Variants in COBL observed in about 807,000 individuals in gnomAD.
COBL encodes the protein protein cordon-bleu.
COBL carries 51 observed loss-of-function variants against 98.8 expected under a neutral mutation model. The observed-to-expected ratio is 0.52, with a 90% CI of 0.41 to 0.65. The LOEUF is 0.65. COBL is among the 30% of genes least tolerant of loss of function. COBL has a pLI of 0.00. For synonymous variants in COBL, 634 were observed against 651.7 expected (o/e 0.97, Z 0.41); for missense variants, 1,617 against 1,617.5 (o/e 1.00, Z 0.01).
chr7:51,217,203 G>T (rs1315172258), intron 2 of COBL, among the ~76,000 whole-genome samples: 3 of 152,134 alleles, frequency 2.0e-5, no homozygotes, highest in Non-Finnish European at 4.4e-5. Flanking sequence ...GGAAATAAAA[G>T]AAATGAAAGC....
intron 6 of COBL, among the ~76,000 whole-genome samples, chr7:51,107,228 GGGACTA>G (rs1192021261): frequency 1.9e-4 from 29 of 151,816 alleles, no homozygotes; most frequent in African/African-American, 6.8e-4. Flanking sequence ...CTGAGTAGCT[GGGACTA>G]CAGGCGCACG....
intron 6 of COBL, among the ~76,000 whole-genome samples, chr7:51,109,676 T>TA (rs1031297234): frequency 1.3e-5 from 2 of 152,084 alleles, no homozygotes; most frequent in Non-Finnish European, 2.9e-5. Context: ...AAAATTTTAC[T>TA]AAAAAAACTG....
intron 4 of COBL, among the ~76,000 whole-genome samples, chr7:51,184,698 C>A (rs916358218): frequency 6.6e-6 from 1 of 152,218 alleles, no homozygotes; most frequent in Non-Finnish European, 1.5e-5. Context: ...CACAATCCAG[C>A]AGCCCTTTAG....
intron 7 of COBL, among the ~76,000 whole-genome samples, chr7:51,070,159 G>A (rs17799219): frequency 0.065 from 9,842 of 152,026 alleles, 514 homozygotes; most frequent in East Asian, 0.32. Context: ...GGAGTTATTC[G>A]GCAAAAGGGT....
intron 5 of COBL, among the ~76,000 whole-genome samples, chr7:51,162,604 G>A (rs1029559966): frequency 6.6e-6 from 1 of 152,112 alleles, no homozygotes; most frequent in African/African-American, 2.4e-5. Context: ...AATAGTATCT[G>A]CAAACTTTCT....
chr7:51,290,674 C>T (rs1800813121), intron 1 of COBL, among the ~76,000 whole-genome samples: 1 of 152,160 alleles, frequency 6.6e-6, no homozygotes, highest in African/African-American at 2.4e-5. Context: ...ACCTCAGCCT[C>T]GGCCCCTCCT....
At chr7:51,180,188 G>A (rs1788798538) in intron 5 of COBL, among the ~76,000 whole-genome samples, 1 of 152,204 alleles carries the variant, frequency 6.6e-6, no homozygotes, top group African/African-American at 2.4e-5. Context: ...AGACTGGAAT[G>A]ACAGATTTTC....
intron 6 of COBL, among the ~76,000 whole-genome samples, chr7:51,099,318 T>C (rs1795602815): frequency 1.3e-5 from 2 of 152,226 alleles, no homozygotes; most frequent in Non-Finnish European, 2.9e-5. Flanking sequence ...TCTTGTTCAC[T>C]GCAGCACAGT....
chr7:51,057,221 T>C (rs1790851441), intron 7 of COBL, among the ~76,000 whole-genome samples: 1 of 152,220 alleles, frequency 6.6e-6, no homozygotes, highest in South Asian at 2.1e-4. Flanking sequence ...AATTGTCCTA[T>C]TTCATTGCTA....
chr7:51,026,318 A>C, intron 11 of COBL, among the ~76,000 whole-genome samples: 1 of 152,258 alleles, frequency 6.6e-6, no homozygotes, highest in East Asian at 1.9e-4. Flanking sequence ...GCAAAGGCTG[A>C]GAGAGTGTCT....
chr7:51,088,120 G>GC (rs1420169170), intron 6 of COBL, among the ~76,000 whole-genome samples: 1 of 152,070 alleles, frequency 6.6e-6, no homozygotes, highest in Non-Finnish European at 1.5e-5. Context: ...TTTCATGATG[G>GC]CAAGTGCTGG....
At chr7:51,111,137 G>A (rs1279680219) in intron 6 of COBL, among the ~76,000 whole-genome samples, 2 of 152,138 alleles carry the variant, frequency 1.3e-5, no homozygotes, top group Non-Finnish European at 2.9e-5. Flanking sequence ...GAATAATGCT[G>A]CAATAAACAT....
chr7:51,166,994 A>C (rs1480190782), intron 5 of COBL, among the ~76,000 whole-genome samples: 1 of 152,202 alleles, frequency 6.6e-6, no homozygotes, highest in Non-Finnish European at 1.5e-5. Flanking sequence ...CACAGCTAGT[A>C]TCTTACTGAA....
chr7:51,110,643 G>A (rs967396312), intron 6 of COBL, among the ~76,000 whole-genome samples: 10 of 152,120 alleles, frequency 6.6e-5, no homozygotes, highest in Non-Finnish European at 8.8e-5. Flanking sequence ...TCACCCAAGC[G>A]GTATATACTG....
At chr7:51,234,723 A>C (rs1305213300) in intron 1 of COBL, among the ~76,000 whole-genome samples, 2 of 150,836 alleles carry the variant, frequency 1.3e-5, no homozygotes, top group Non-Finnish European at 2.9e-5. Context: ...AAAAAAAGAA[A>C]GAAAGAAAGA....
intron 2 of COBL, among the ~76,000 whole-genome samples, chr7:51,203,354 C>T (rs1225941912): frequency 7.6e-6 from 1 of 131,574 alleles, no homozygotes; most frequent in African/African-American, 3.1e-5. Context: ...CCCAGCTACT[C>T]GGGAGGCTGA....
chr7:51,054,506 T>G, intron 7 of COBL, among the ~76,000 whole-genome samples: 1 of 152,194 alleles, frequency 6.6e-6, no homozygotes, highest in South Asian at 2.1e-4. Context: ...TAACTTTTTT[T>G]CCTTTCTGAC....
Position 51,028,652 on chromosome 7 carries a change from G to A in COBL, c.2444C>T (p.Ser815Leu), listed in dbSNP as rs532457394. The change falls in exon 10 of 13, where the codon TCG becomes TTG. Residue 815 changes from serine (S) to leucine (L), a missense_variant. Ser to Leu is a moderately radical substitution (Grantham distance 145). Transcript: ENST00000265136. Reference protein sequence around the residue: ...SRLQADPKPISPQQKSAHHEG... With the variant: ...SRLQADPKPILPQQKSAHHEG... ...ATGGTGGGCAGACTTCTGCTGGGGC[G>A]ATATTGGCTTGGGGTCTGCTTGGAG... is the stretch of plus-strand genomic sequence containing the variant. 3.0e-5 allele frequency: 48 copies of A among 1,612,998 alleles called. No individual in the cohort carries two copies. The highest frequency in any genetic ancestry group is 1.4e-4 in the South Asian group (13 of 90,932).
rs776244784 is a variant in COBL, at chr7:51,308,227, TA to T, written c.41+8365del. Among the ~76,000 whole-genome samples the T allele has an allele frequency of 2.0e-5, 3 of 152,316 alleles. No individual in the cohort carries two copies. In the East Asian group the frequency reaches 5.8e-4, roughly 29 times the overall value. ...AGCCAACCAAACTGTATTTAGAGAC[TA>T]AAAAATTAGCCACATGAACAAAAGT... On this transcript the variant is annotated intron_variant, in intron 1 of 12. Coordinates refer to ENST00000265136, the MANE Select transcript of COBL (RefSeq NM_015198.5).
Sources: gnomAD v4.1 joint callset for allele counts (sites outside exome capture counted in the v4.1 genomes callset) on GRCh38, gnomAD v4.1.1 for gene constraint, MANE v1.5 for transcripts, NCBI Gene and HGNC (gene_info 2026-07-23, HGNC 2026-07-21) for gene names.